Variants in CSMD1 observed in about 807,000 individuals in gnomAD.
The protein encoded by CSMD1 is CUB and Sushi multiple domains 1, also known as CUB and sushi domain-containing protein 1.
Under a neutral mutation model 417.5 loss-of-function variants are expected in CSMD1, and 213 were observed. That is an observed-to-expected ratio of 0.51 (90% CI 0.46 to 0.57). The LOEUF (loss-of-function observed/expected upper bound fraction) is 0.57. CSMD1 is among the 20% of genes least tolerant of loss of function. CSMD1 has a pLI of 0.00. For synonymous variants in CSMD1, 2,862 were observed against 1,736.8 expected, an observed-to-expected ratio of 1.65 and a Z score of -16.11; for missense variants, 6,923 against 4,529.7, an observed-to-expected ratio of 1.53 and a Z score of -15.17.
chr8:3,014,871 G>A (rs544379928), intron 52 of CSMD1, among the ~76,000 whole-genome samples: 15 of 151,672 alleles, frequency 9.9e-5, no homozygotes, highest in African/African-American at 3.7e-4. Flanking sequence ...AGCTGTTGTT[G>A]CACCACTGCA....
chr8:3,536,871 C>T (rs1243413731), intron 10 of CSMD1, among the ~76,000 whole-genome samples: 1 of 152,128 alleles, frequency 6.6e-6, no homozygotes, highest in African/African-American at 2.4e-5. Context: ...GATAAGAATC[C>T]CAGGTAGAGA....
Position 3,659,213 on chromosome 8 carries a change from C to A in CSMD1, c.1010-42416G>T, listed in dbSNP as rs139582885. On this transcript the variant is annotated intron_variant, in intron 7 of 69. Coordinates refer to ENST00000635120, the MANE Select transcript of CSMD1 (RefSeq NM_033225.6). Reference sequence around the variant, plus strand: ...GTATTCTACGGCAAGGCAAGGGAAGCCCAGGGAGGTGAAATTGTGTATATT... The same window carrying A: ...GTATTCTACGGCAAGGCAAGGGAAGACCAGGGAGGTGAAATTGTGTATATT... Among the ~76,000 whole-genome samples the A allele has an allele frequency of 3.7e-4, 57 of 152,228 alleles. 1 individual carries two copies. Among genetic ancestry groups the A allele is most frequent in the Admixed American group, 2.6e-3 (39 of 15,292 alleles).
chr8:3,455,081 C>T (rs556063444), intron 12 of CSMD1, among the ~76,000 whole-genome samples: 1 of 152,180 alleles, frequency 6.6e-6, no homozygotes, highest in Non-Finnish European at 1.5e-5. Flanking sequence ...ATCACTGATA[C>T]CCTTTCTTTC....
chr8:3,973,463 T>C (rs7009458), intron 5 of CSMD1, among the ~76,000 whole-genome samples: 49,952 of 152,036 alleles, frequency 0.33, 8,979 homozygotes, highest in African/African-American at 0.47. Context: ...TGTTGCAATA[T>C]TTCTGAAGTT....
chr8:3,978,697 C>G (rs1563277146), intron 5 of CSMD1, among the ~76,000 whole-genome samples: 1 of 152,102 alleles, frequency 6.6e-6, no homozygotes, highest in Non-Finnish European at 1.5e-5. Context: ...CTCTACTTAT[C>G]ACTAATTGAG....
intron 3 of CSMD1, among the ~76,000 whole-genome samples, chr8:4,188,350 G>T (rs1219100915): frequency 6.6e-6 from 1 of 152,120 alleles, no homozygotes; most frequent in East Asian, 1.9e-4. Context: ...AATGCAAACC[G>T]AGGTGCCTTC....
At chr8:4,233,057 G>T (rs1201657162) in intron 3 of CSMD1, among the ~76,000 whole-genome samples, 1 of 152,162 alleles carries the variant, frequency 6.6e-6, no homozygotes, top group Non-Finnish European at 1.5e-5. Flanking sequence ...GTTGCTCTAG[G>T]TTTATTAAAG....
intron 16 of CSMD1, among the ~76,000 whole-genome samples, chr8:3,397,273 T>G (rs1474555253): frequency 6.6e-6 from 1 of 152,198 alleles, no homozygotes; most frequent in Admixed American, 6.5e-5. Context: ...CACGGAAGCC[T>G]GTGCCATTAG....
In CSMD1 at chr8:4,441,102, T is replaced by TTTTTTTTTTTTTTTTC. The variant is rs1563176295; in HGVS notation, c.303-21038_303-21037insGAAAAAAAAAAAAAAA. On this transcript the variant is annotated intron_variant, in intron 2 of 69. Transcript: ENST00000635120. ...TGACTCGTTAATCAAAAGGTTTTTTTTTTTTTTTTTTTTTTTAAGAGATAG... is the reference window on the plus strand; with the variant it reads ...TGACTCGTTAATCAAAAGGTTTTTTTTTTTTTTTTTTTTTTCTTTTTTTTTTTTTTTTAAGAGATAG... Among the ~76,000 whole-genome samples the TTTTTTTTTTTTTTTTC allele has an allele frequency of 2.2e-5, 2 of 91,370 alleles. 1 individual carries two copies. Among genetic ancestry groups the TTTTTTTTTTTTTTTTC allele is most frequent in the Non-Finnish European group, 4.5e-5 (2 of 44,826 alleles). The allele number at this position is 91,370 out of a possible 152,430, so 59.9% of individuals were successfully genotyped here. A position where few individuals can be genotyped will look rare whatever the true frequency, so the allele number is the denominator to read the frequency against.
intron 3 of CSMD1, among the ~76,000 whole-genome samples, chr8:4,068,074 C>T (rs985075115): frequency 5.3e-5 from 8 of 151,496 alleles, no homozygotes; most frequent in East Asian, 3.9e-4. Context: ...AGGGAGACAA[C>T]GTCTCAAAAA....
At chr8:3,925,925 G>T (rs976050410) in intron 5 of CSMD1, among the ~76,000 whole-genome samples, 2 of 151,588 alleles carry the variant, frequency 1.3e-5, no homozygotes, top group African/African-American at 4.9e-5. Context: ...AATGTAGAAG[G>T]TACAGCAGCC....
intron 1 of CSMD1, among the ~76,000 whole-genome samples, chr8:4,719,351 A>G (rs1808899160): frequency 6.6e-6 from 1 of 152,188 alleles, no homozygotes; most frequent in Non-Finnish European, 1.5e-5. Flanking sequence ...CTCACGTGCC[A>G]ATGCGCTTGA....
intron 2 of CSMD1, among the ~76,000 whole-genome samples, chr8:4,509,489 T>G (rs532562295): frequency 1.3e-5 from 2 of 152,328 alleles, no homozygotes; most frequent in East Asian, 3.9e-4. Flanking sequence ...ATGGGATTCT[T>G]ACTAGACGCT....
At chr8:3,443,108 C>G (rs1304782902) in intron 12 of CSMD1, among the ~76,000 whole-genome samples, 2 of 152,178 alleles carry the variant, frequency 1.3e-5, no homozygotes, top group African/African-American at 4.8e-5. Flanking sequence ...ACTTATGATG[C>G]CTTTTCTAGC....
rs542836238 is a variant in CSMD1, at chr8:3,532,085, C to T, written c.1345-38359G>A. Among the ~76,000 whole-genome samples the T allele has an allele frequency of 3.9e-5, 6 of 152,290 alleles. No homozygotes were observed. The East Asian group carries it at 1.2e-3, about 29-fold the overall frequency. On this transcript the variant is annotated intron_variant, in intron 10 of 69. Coordinates refer to ENST00000635120, the MANE Select transcript of CSMD1 (RefSeq NM_033225.6). ...TCATGATTAGCTCGTCTATGAAAGC[C>T]CCTACATTCCACTTTGAGATGGCAA...
chr8:4,413,635 C>T (rs1030008915), intron 3 of CSMD1, among the ~76,000 whole-genome samples: 1 of 152,136 alleles, frequency 6.6e-6, no homozygotes, highest in Non-Finnish European at 1.5e-5. Flanking sequence ...CACAAGACAG[C>T]ACTGTTGACT....
At position 4,138,313 on chromosome 8, in the gene CSMD1, G is replaced by A. The variant is rs532523029; in HGVS notation, c.416-106214C>T. On this transcript the variant is annotated intron_variant, in intron 3 of 69. Transcript: ENST00000635120. ...GCAGGTTTCAGAATCATACACTTCAGAGTTGAGATTTACACATTTGAGTTG... is the reference window on the plus strand; with the variant it reads ...GCAGGTTTCAGAATCATACACTTCAAAGTTGAGATTTACACATTTGAGTTG... Among the ~76,000 whole-genome samples the A allele has an allele frequency of 2.7e-5, 4 of 149,786 alleles. No individual in the cohort carries two copies. In the East Asian group the frequency reaches 7.9e-4, roughly 30 times the overall value.
chr8:2,955,331 T>C (rs114478683), intron 64 of CSMD1, among the ~76,000 whole-genome samples: 258 of 152,328 alleles, frequency 1.7e-3, no homozygotes, highest in African/African-American at 5.9e-3. Context: ...TGGCTTGAAA[T>C]AATGCAATCA....
intron 2 of CSMD1, among the ~76,000 whole-genome samples, chr8:4,594,451 C>T (rs1426349492): frequency 6.6e-6 from 1 of 152,024 alleles, no homozygotes; most frequent in Non-Finnish European, 1.5e-5. Context: ...CCACGCATCT[C>T]AGCCTCCCAA....
Sources: allele counts gnomAD v4.1 joint callset (sites outside exome capture counted in the v4.1 genomes callset), GRCh38; gene constraint gnomAD v4.1.1; transcripts MANE v1.5; gene names NCBI Gene and HGNC (gene_info 2026-07-23, HGNC 2026-07-21).